ADAM12: variants seen among roughly 807,000 people sequenced by gnomAD.
ADAM12 encodes the protein disintegrin and metalloproteinase domain-containing protein 12.
ADAM12 carries 70 observed loss-of-function variants against 106.4 expected under a neutral mutation model. That is an observed-to-expected ratio of 0.66 (90% CI 0.54 to 0.80). ADAM12 has a LOEUF of 0.80. ADAM12 is among the 30% of genes least tolerant of loss of function. The pLI, the probability that ADAM12 is intolerant of heterozygous loss-of-function variation, is 0.00. For missense variants in ADAM12, 1,010 were observed against 1,171.9 expected (o/e 0.86, Z 2.02); for synonymous variants, 420 against 433.5 (o/e 0.97, Z 0.39).
intron 3 of ADAM12, among the ~76,000 whole-genome samples, chr10:126,241,572 T>C (rs1958524559): frequency 6.6e-6 from 1 of 152,164 alleles, no homozygotes; most frequent in African/African-American, 2.4e-5. Context: ...AATGTTCAAT[T>C]TTCTGTTTAT....
chr10:126,291,039 C>T (rs1431185530), intron 2 of ADAM12, among the ~76,000 whole-genome samples: 1 of 152,202 alleles, frequency 6.6e-6, no homozygotes, highest in Non-Finnish European at 1.5e-5. Context: ...CCTCTGAGGC[C>T]TTCTAAGACA....
chr10:126,259,050 C>T (rs781259856), intron 3 of ADAM12, among the ~76,000 whole-genome samples: 5 of 152,030 alleles, frequency 3.3e-5, no homozygotes, highest in African/African-American at 9.7e-5. Context: ...CACCAGCTAA[C>T]CTTTGTGGGA....
At chr10:126,082,762 T>C (rs940117165) in intron 11 of ADAM12, among the ~76,000 whole-genome samples, 4 of 152,178 alleles carry the variant, frequency 2.6e-5, no homozygotes, top group African/African-American at 7.2e-5. Context: ...TACATATTCC[T>C]AGTCCCTTGA....
At chr10:126,375,042 A>G (rs1189054481) in intron 1 of ADAM12, among the ~76,000 whole-genome samples, 1 of 152,184 alleles carries the variant, frequency 6.6e-6, no homozygotes, top group Non-Finnish European at 1.5e-5. Context: ...AGACGCAAGG[A>G]TACAACAGGT....
At chr10:126,279,438 A>G (rs1590724507) in intron 2 of ADAM12, among the ~76,000 whole-genome samples, 1 of 147,016 alleles carries the variant, frequency 6.8e-6, no homozygotes, top group Admixed American at 6.8e-5. Context: ...CTCAAAAAAA[A>G]AAGAAAACAA....
intron 3 of ADAM12, among the ~76,000 whole-genome samples, chr10:126,259,708 T>G (rs151297963): frequency 1.3e-5 from 2 of 152,308 alleles, no homozygotes; most frequent in Non-Finnish European, 2.9e-5. Context: ...TCTCCACACA[T>G]GAGGGAATAA....
chr10:126,254,929 T>G (rs568968659), intron 3 of ADAM12, among the ~76,000 whole-genome samples: 1 of 152,314 alleles, frequency 6.6e-6, no homozygotes, highest in East Asian at 1.9e-4. Context: ...CCATCTCTCT[T>G]CCCTGACATC....
chr10:126,221,220 C>T (rs1958085517), intron 3 of ADAM12, among the ~76,000 whole-genome samples: 1 of 151,926 alleles, frequency 6.6e-6, no homozygotes, highest in South Asian at 2.1e-4. Flanking sequence ...CCCGTCTCTA[C>T]TAAAAATACA....
chr10:126,108,354 G>A (rs916812525), intron 8 of ADAM12, among the ~76,000 whole-genome samples: 2 of 152,132 alleles, frequency 1.3e-5, no homozygotes, highest in Non-Finnish European at 2.9e-5. Context: ...CCACCTGACC[G>A]GAAGAGAGCC....
chr10:126,085,547 C>T (rs1246222219), intron 11 of ADAM12, among the ~76,000 whole-genome samples: 1 of 151,856 alleles, frequency 6.6e-6, no homozygotes, highest in African/African-American at 2.4e-5. Flanking sequence ...TCTATCTATC[C>T]ATTATCCATT....
intron 4 of ADAM12, among the ~76,000 whole-genome samples, chr10:126,144,761 CAT>C (rs1234032284): frequency 6.6e-6 from 1 of 152,198 alleles, no homozygotes; most frequent in African/African-American, 2.4e-5. Flanking sequence ...TCAGAAGGAA[CAT>C]ATGGTACAGC....
chr10:126,109,622 A>G (rs1955833074), intron 7 of ADAM12, among the ~76,000 whole-genome samples, 153 bp downstream of exon 7: 1 of 152,224 alleles, frequency 6.6e-6, no homozygotes, highest in Admixed American at 6.5e-5. Flanking sequence ...TGCTTTATAA[A>G]ATCAGAAAAC....
chr10:126,085,966 C>T (rs1364246943), intron 11 of ADAM12, among the ~76,000 whole-genome samples: 2 of 152,164 alleles, frequency 1.3e-5, no homozygotes, highest in African/African-American at 4.8e-5. Context: ...TACACTGTGG[C>T]CTCTGTGCCT....
intron 18 of ADAM12, chr10:126,042,110 G>C (rs767048921): frequency 1.1e-5 from 18 of 1,611,662 alleles, no homozygotes; most frequent in Non-Finnish European, 1.5e-5. Context: ...CACTGGTCAC[G>C]GTCTCCATGT....
intron 21 of ADAM12, among the ~76,000 whole-genome samples, chr10:126,029,052 C>T (rs1204725557): frequency 6.6e-6 from 1 of 152,088 alleles, no homozygotes; most frequent in East Asian, 1.9e-4. Context: ...CCACAATGAG[C>T]TACCATCTCA....
At chr10:126,096,341 C>T (rs1174804391) in intron 10 of ADAM12, among the ~76,000 whole-genome samples, 1 of 152,196 alleles carries the variant, frequency 6.6e-6, no homozygotes, top group Non-Finnish European at 1.5e-5. Flanking sequence ...AACAGAATGT[C>T]TCTTAAAAGA....
At chr10:126,302,835 G>A (rs1960682763) in intron 2 of ADAM12, among the ~76,000 whole-genome samples, 1 of 152,216 alleles carries the variant, frequency 6.6e-6, no homozygotes, top group Admixed American at 6.5e-5. Context: ...TGCCCTGTGT[G>A]TATTTTTGAG....
intron 18 of ADAM12, among the ~76,000 whole-genome samples, chr10:126,042,642 G>T (rs1409790449): frequency 6.6e-6 from 1 of 152,198 alleles, no homozygotes; most frequent in Non-Finnish European, 1.5e-5. Context: ...AGAGGTGGGT[G>T]TCTTTCCAGT....
intron 5 of ADAM12, among the ~76,000 whole-genome samples, chr10:126,119,803 C>G (rs1956052341): frequency 6.6e-6 from 1 of 152,230 alleles, no homozygotes; most frequent in Non-Finnish European, 1.5e-5. Context: ...ATGAGTAATG[C>G]TAGCCTTGGG....
Sources: allele counts gnomAD v4.1 joint callset (sites outside exome capture counted in the v4.1 genomes callset), GRCh38; gene constraint gnomAD v4.1.1; transcripts MANE v1.5; gene names NCBI Gene and HGNC (gene_info 2026-07-23, HGNC 2026-07-21).